The following BAG3 variants were observed in gnomAD, a reference collection of about 807,000 sequenced individuals.
BAG3 encodes the protein BAG cochaperone 3, also known as BAG family molecular chaperone regulator 3.
In BAG3, 14 loss-of-function variants were observed where a neutral mutation model predicts 40.5. The observed-to-expected ratio is 0.35, with a 90% CI of 0.23 to 0.54. The LOEUF (loss-of-function observed/expected upper bound fraction) is 0.54, where lower values mean the gene tolerates loss of function less well. Ranked by LOEUF, BAG3 falls within the 20% of genes least tolerant of loss-of-function variation. BAG3 has a pLI of 0.91. For missense variants in BAG3, 788 were observed against 758.6 expected (o/e 1.04, Z -0.46); for synonymous variants, 302 against 307.8 (o/e 0.98, Z 0.20).
chr10:119,675,848 T>C (rs1487974988), intron 3 of BAG3, among the ~76,000 whole-genome samples: 1 of 52,644 alleles, frequency 1.9e-5, no homozygotes, highest in Non-Finnish European at 3.6e-5. Flanking sequence ...CCCTCCTTCC[T>C]TCCTGCCCCC....
chr10:119,660,321 A>G (rs1846975683), intron 1 of BAG3, among the ~76,000 whole-genome samples: 2 of 152,208 alleles, frequency 1.3e-5, no homozygotes, highest in Admixed American at 1.3e-4. Flanking sequence ...TTGTCTGCAG[A>G]GCAGGCCTCT....
Position 119,677,018 on chromosome 10 carries a change from G to C in BAG3, c.1464G>C (p.Gln488His). The change falls in exon 4 of 4, where the codon CAG (glutamine) becomes CAC (histidine). Residue 488 changes from glutamine (Q) to histidine (H), a missense_variant. Gln to His is a conservative substitution (Grantham distance 24, BLOSUM62 0). Coordinates refer to ENST00000369085, the MANE Select transcript of BAG3 (RefSeq NM_004281.4). ...GGAGAGACGGTGTCAGGAAGGTTCA[G>C]ACCATCTTGGAAAAACTTGAACAGA... ...QARRDGVRKV[Q>H]TILEKLEQKA... 1 of 1,614,194 alleles carries C rather than the reference G, an allele frequency of 6.2e-7. No individual in the cohort carries two copies. Among genetic ancestry groups the C allele is most frequent in the Non-Finnish European group, 8.5e-7 (1 of 1,180,038 alleles).
At chr10:119,663,280 A>G (rs1847016978) in intron 1 of BAG3, among the ~76,000 whole-genome samples, 1 of 150,772 alleles carries the variant, frequency 6.6e-6, no homozygotes, top group African/African-American at 2.4e-5. Flanking sequence ...CCTTCTCTTC[A>G]TTTGTTTTTG....
At chr10:119,665,355 T>C (rs552421304) in intron 1 of BAG3, among the ~76,000 whole-genome samples, 2 of 151,878 alleles carry the variant, frequency 1.3e-5, no homozygotes, top group East Asian at 3.9e-4. Context: ...TTAGCCAGGA[T>C]GGTCTCCATC....
rs765292614 is a variant in BAG3 at position 119,669,841 on chromosome 10, T to C, written c.181-10T>C. 7.4e-6 allele frequency: 12 copies of C among 1,613,838 alleles called. No individual in the cohort carries two copies. In the East Asian group the frequency reaches 1.8e-4, roughly 24 times the overall value. The stretch of plus-strand genomic sequence containing the variant: ...CTAACCAGCCTGTGTTTCTCCACTT[T>C]TTATTTCAGGAGACTCCATCCTCTG... On this transcript the variant is annotated splice_polypyrimidine_tract_variant and intron_variant, in intron 1 of 3. Coordinates refer to ENST00000369085, the MANE Select transcript of BAG3 (RefSeq NM_004281.4).
chr10:119,653,282 C>T lies in BAG3; in HGVS notation c.180+1427C>T, dbSNP rs529001405. 2.6e-4 allele frequency among the ~76,000 whole-genome samples: 40 copies of T among 152,268 alleles called. No individual in the cohort carries two copies. In the South Asian group the frequency reaches 6.8e-3, roughly 26 times the overall value. ...ACATATACCTTTTTGTGTGTCTGTT[C>T]CACCCATTTTTGGGTGAAACTGACA... On this transcript the variant is annotated intron_variant, in intron 1 of 3. Coordinates refer to ENST00000369085, the MANE Select transcript of BAG3 (RefSeq NM_004281.4).
At chr10:119,658,181 A>G (rs935983242) in intron 1 of BAG3, among the ~76,000 whole-genome samples, 1 of 152,264 alleles carries the variant, frequency 6.6e-6, no homozygotes. Context: ...TTGACATTGA[A>G]TGAATGAATA....
intron 3 of BAG3, among the ~76,000 whole-genome samples, chr10:119,674,266 C>T (rs139156040): frequency 3.3e-5 from 5 of 152,248 alleles, no homozygotes; most frequent in Admixed American, 2.0e-4. Flanking sequence ...GCCAAAGTTG[C>T]GAATGTCTGC....
At chr10:119,654,238 C>T (rs1589621085) in intron 1 of BAG3, among the ~76,000 whole-genome samples, 1 of 152,218 alleles carries the variant, frequency 6.6e-6, no homozygotes, top group East Asian at 1.9e-4. Context: ...GAAAAAGGCC[C>T]TTGCAGAAAA....
intron 1 of BAG3, chr10:119,657,572 T>G (rs1228594997): frequency 2.1e-6 from 1 of 471,096 alleles, no homozygotes; most frequent in Non-Finnish European, 4.4e-6. Context: ...GATGCAGGTG[T>G]GTCCCGGGAA....
intron 1 of BAG3, among the ~76,000 whole-genome samples, chr10:119,665,397 G>C (rs1283774570): frequency 6.6e-6 from 1 of 151,438 alleles, no homozygotes; most frequent in Non-Finnish European, 1.5e-5. Flanking sequence ...ACCTCAGCCT[G>C]CCAAAGTGCT....
intron 1 of BAG3, among the ~76,000 whole-genome samples, chr10:119,657,975 G>A (rs549194880): frequency 6.6e-6 from 1 of 152,372 alleles, no homozygotes; most frequent in South Asian, 2.1e-4. Context: ...AGCTCTGTGC[G>A]TCAGGAGCCT....
chr10:119,651,438 C>G lies in BAG3; in HGVS notation c.-238C>G, dbSNP rs560806667. The G allele has an allele frequency of 2.9e-4, 119 of 407,840 alleles. No homozygotes were observed. The highest frequency in any genetic ancestry group is 2.2e-3 in the African/African-American group (107 of 47,590). The allele number at this position is 407,840 out of a possible 1,614,324, so 25.3% of individuals were successfully genotyped here. ...GACTGGACCAGAAGTTTCTAGCCGG[C>G]CAGTTGCTACCTCCCTTTATCTCCT... On this transcript the variant is annotated 5_prime_UTR_variant, in exon 1 of 4. Coordinates refer to ENST00000369085, the MANE Select transcript of BAG3 (RefSeq NM_004281.4).
intron 1 of BAG3, among the ~76,000 whole-genome samples, chr10:119,652,511 C>A: frequency 6.6e-6 from 1 of 152,268 alleles, no homozygotes; most frequent in Non-Finnish European, 1.5e-5. Context: ...TCAATATGAA[C>A]GTATCCTAGT....
rs1234181495 is a variant in BAG3 at position 119,677,536 on chromosome 10, C to T, written c.*254C>T. 2 of 563,832 alleles carry T rather than the reference C, an allele frequency of 3.5e-6. No homozygotes were observed. Among genetic ancestry groups the T allele is most frequent in the African/African-American group, 1.9e-5 (1 of 53,196 alleles). 34.9% of individuals were successfully genotyped at this position (563,832 alleles called of 1,614,324 possible). ...CCCCGTTGCTTGTTGTTCTGCAGCC[C>T]TGTCTACTTGGGCACCCCCACCACC... On this transcript the variant is annotated 3_prime_UTR_variant, in exon 4 of 4. Coordinates refer to ENST00000369085, the MANE Select transcript of BAG3 (RefSeq NM_004281.4).
chr10:119,677,578 G>A lies in BAG3; in HGVS notation c.*296G>A. The A allele has an allele frequency of 1.0e-5, 5 of 485,854 alleles. No individual in the cohort carries two copies. The highest frequency in any genetic ancestry group is 2.1e-5 in the South Asian group (1 of 46,650). 30.1% of individuals were successfully genotyped at this position (485,854 alleles called of 1,614,324 possible). On this transcript the variant is annotated 3_prime_UTR_variant, in exon 4 of 4. Coordinates refer to ENST00000369085, the MANE Select transcript of BAG3 (RefSeq NM_004281.4). ...CCCACCACCTGTTAGCTGTGGTTGT[G>A]CACTGTCTTTTGTAGCTCTGGACTG...
chr10:119,676,804 C>G lies in BAG3; in HGVS notation c.1250C>G (p.Pro417Arg), dbSNP rs751558069. 1.2e-6 allele frequency: 2 copies of G among 1,614,174 alleles called. No homozygotes were observed. Among genetic ancestry groups the G allele is most frequent in the Non-Finnish European group, 1.7e-6 (2 of 1,180,038 alleles). The change falls in exon 4 of 4, where the codon CCA (proline) becomes CGA (arginine). Residue 417 changes from proline to arginine, a missense_variant. Physicochemically the swap from Pro to Arg is moderately radical, Grantham distance 103. Coordinates refer to ENST00000369085, the MANE Select transcript of BAG3 (RefSeq NM_004281.4). ...AAACCAGGAGAAGCCGAGGCTCCCC[C>G]AAAACATCCAGGAGTGCTGAAAGTG... ...PPKPGEAEAP[P>R]KHPGVLKVEA...
chr10:119,663,790 A>G (rs1034393384), intron 1 of BAG3, among the ~76,000 whole-genome samples: 1 of 152,192 alleles, frequency 6.6e-6, no homozygotes, highest in Non-Finnish European at 1.5e-5. Context: ...CAGGCCACGC[A>G]GAGTGTCAGA....
At chr10:119,665,580 A>G (rs933118144) in intron 1 of BAG3, among the ~76,000 whole-genome samples, 2 of 152,106 alleles carry the variant, frequency 1.3e-5, no homozygotes, top group African/African-American at 4.8e-5. Context: ...CGCCTGGCCC[A>G]GGTGGTGTTT....
Sources: allele counts gnomAD v4.1 joint callset (sites outside exome capture counted in the v4.1 genomes callset), GRCh38; gene constraint gnomAD v4.1.1; transcripts MANE v1.5; gene names NCBI Gene and HGNC (gene_info 2026-07-23, HGNC 2026-07-21).